The following TAFA1 variants were observed in gnomAD, a reference collection of about 807,000 sequenced individuals.
The protein encoded by TAFA1 is TAFA chemokine like family member 1.
A neutral mutation model predicts 18.5 loss-of-function variants in TAFA1; 4 were observed. The ratio of observed to expected loss-of-function variants is 0.22; its 90% CI spans 0.11 to 0.49. The LOEUF (loss-of-function observed/expected upper bound fraction) is 0.49. Ranked by LOEUF, TAFA1 falls within the 20% of genes least tolerant of loss-of-function variation. The probability of loss-of-function intolerance (pLI) is 0.98; values close to 1 mark genes in which losing one functional copy is unlikely to be tolerated. For synonymous variants in TAFA1, 56 were observed against 55.2 expected (o/e 1.01, Z -0.06); for missense variants, 147 against 169.0 (o/e 0.87, Z 0.72).
chr3:68,074,984 G>T (rs1302718134), intron 2 of TAFA1, among the ~76,000 whole-genome samples: 1 of 152,168 alleles, frequency 6.6e-6, no homozygotes, highest in Non-Finnish European at 1.5e-5. Context: ...CCTTCCCCAT[G>T]AACCTGGCAG....
intron 3 of TAFA1, among the ~76,000 whole-genome samples, chr3:68,521,464 A>G (rs899818682): frequency 3.9e-5 from 6 of 152,198 alleles, no homozygotes; most frequent in African/African-American, 1.4e-4. Flanking sequence ...CTGGAAATGT[A>G]CAATCACTGG....
chr3:68,165,823 G>A (rs950289596), intron 2 of TAFA1, among the ~76,000 whole-genome samples: 21 of 152,226 alleles, frequency 1.4e-4, no homozygotes, highest in Admixed American at 3.3e-4. Flanking sequence ...AAGTGGCTTC[G>A]TTTTGCTCAC....
chr3:68,154,999 C>CGG (rs1477244122), intron 2 of TAFA1, among the ~76,000 whole-genome samples: 1 of 152,174 alleles, frequency 6.6e-6, no homozygotes, highest in African/African-American at 2.4e-5. Context: ...TTACTTATAT[C>CGG]GGGGTTATGC....
At chr3:68,086,882 A>C (rs939806830) in intron 2 of TAFA1, among the ~76,000 whole-genome samples, 1 of 152,198 alleles carries the variant, frequency 6.6e-6, no homozygotes, top group Non-Finnish European at 1.5e-5. Flanking sequence ...TTTCCCCTTG[A>C]TCAGGACCAT....
intron 2 of TAFA1, among the ~76,000 whole-genome samples, chr3:68,070,320 G>T (rs1277143514): frequency 6.6e-6 from 1 of 152,206 alleles, no homozygotes; most frequent in East Asian, 1.9e-4. Context: ...ACCCTCTGAA[G>T]CCACAGCCCG....
intron 2 of TAFA1, among the ~76,000 whole-genome samples, chr3:68,262,354 TA>T (rs2067451531): frequency 4.5e-5 from 5 of 111,084 alleles, no homozygotes; most frequent in African/African-American, 1.4e-4. Context: ...TATATATATA[TA>T]TATTTCATGG....
At chr3:68,143,758 T>G (rs758626903) in intron 2 of TAFA1, among the ~76,000 whole-genome samples, 5 of 152,154 alleles carry the variant, frequency 3.3e-5, no homozygotes, top group Non-Finnish European at 7.4e-5. Context: ...TAAAACAGAA[T>G]GAATCTTGTT....
At chr3:68,353,094 T>C (rs1044174299) in intron 2 of TAFA1, among the ~76,000 whole-genome samples, 1 of 152,060 alleles carries the variant, frequency 6.6e-6, no homozygotes, top group African/African-American at 2.4e-5. Context: ...TAAATTGTGT[T>C]CACTGGAGAA....
intron 2 of TAFA1, among the ~76,000 whole-genome samples, chr3:68,091,647 C>A (rs781024604): frequency 3.3e-5 from 5 of 151,926 alleles, no homozygotes; most frequent in Non-Finnish European, 5.9e-5. Context: ...TTTGATAAAC[C>A]ACTACAAATG....
chr3:68,037,620 T>G (rs886556602), intron 2 of TAFA1, among the ~76,000 whole-genome samples: 1 of 152,176 alleles, frequency 6.6e-6, no homozygotes, highest in Non-Finnish European at 1.5e-5. Context: ...TCAGTTTTAG[T>G]GGAAAAAAAT....
At chr3:68,192,656 A>G (rs1429276680) in intron 2 of TAFA1, 1 of 151,842 alleles carries the variant, frequency 6.6e-6, no homozygotes, top group Non-Finnish European at 1.5e-5. Flanking sequence ...TCATTTATCC[A>G]TTGATCTTGA....
At position 68,274,715 on chromosome 3, in the gene TAFA1, G is replaced by A. The variant is rs865962699; in HGVS notation, c.119-142565G>A. Among the ~76,000 whole-genome samples the A allele has an allele frequency of 7.3e-3, 1,109 of 151,706 alleles. 7 individuals carry two copies. The highest frequency in any genetic ancestry group is 0.025 in the African/African-American group (1,018 of 41,496). Reference sequence around the variant, plus strand: ...GTGTTTGTTCCCCCGCCCCGCCCCCGCCCACATGTAACTGTGTGGTGGGGG... The same window carrying A: ...GTGTTTGTTCCCCCGCCCCGCCCCCACCCACATGTAACTGTGTGGTGGGGG... On this transcript the variant is annotated intron_variant, in intron 2 of 4. Transcript: ENST00000478136.
At chr3:68,461,208 G>A (rs898185792) in intron 3 of TAFA1, among the ~76,000 whole-genome samples, 3 of 151,702 alleles carry the variant, frequency 2.0e-5, no homozygotes, top group African/African-American at 7.3e-5. Context: ...CTTGAACCCA[G>A]GAAAGATAGG....
chr3:68,209,242 A>G (rs761902040), intron 2 of TAFA1, among the ~76,000 whole-genome samples: 3 of 152,050 alleles, frequency 2.0e-5, no homozygotes, highest in Non-Finnish European at 2.9e-5. Flanking sequence ...GGACCCAGCT[A>G]AAACATGCCA....
At chr3:68,444,972 T>A (rs1462506339) in intron 3 of TAFA1, among the ~76,000 whole-genome samples, 1 of 151,904 alleles carries the variant, frequency 6.6e-6, no homozygotes. Context: ...ATTGTTTAAT[T>A]AAATTACATA....
At chr3:68,168,160 A>AAAG (rs57210084) in intron 2 of TAFA1, among the ~76,000 whole-genome samples, 9 of 151,208 alleles carry the variant, frequency 6.0e-5, no homozygotes, top group Non-Finnish European at 1.0e-4. Context: ...AAAAAAAAAA[A>AAAG]GAAGGCTTGA....
chr3:68,194,708 C>T (rs374112097), intron 2 of TAFA1, among the ~76,000 whole-genome samples: 5 of 151,720 alleles, frequency 3.3e-5, no homozygotes, highest in African/African-American at 9.7e-5. Flanking sequence ...TTATGGCAGC[C>T]ATAGCAAACT....
chr3:68,332,019 G>A (rs191952617), intron 2 of TAFA1, among the ~76,000 whole-genome samples: 89 of 151,608 alleles, frequency 5.9e-4, no homozygotes, highest in Admixed American at 1.6e-3. Context: ...GCCCGCCACC[G>A]CACCCTGCCA....
rs7426607 is a variant in TAFA1, at chr3:68,108,216, C to T, written c.118+101472C>T. 1.5e-3 allele frequency among the ~76,000 whole-genome samples: 229 copies of T among 151,954 alleles called. 1 individual carries two copies. The highest frequency in any genetic ancestry group is 3.4e-3 in the Middle Eastern group (1 of 294). ...TTTGTCCTCTAAAGTGTTTATTTCA[C>T]GTCAAAAAAAGTAGAAACTTGTTAG... On this transcript the variant is annotated intron_variant, in intron 2 of 4. Coordinates refer to ENST00000478136, the MANE Select transcript of TAFA1 (RefSeq NM_213609.4).
Sources: allele counts gnomAD v4.1 joint callset (sites outside exome capture counted in the v4.1 genomes callset), GRCh38; gene constraint gnomAD v4.1.1; transcripts MANE v1.5; gene names NCBI Gene and HGNC (gene_info 2026-07-23, HGNC 2026-07-21).